LARP4B: variants seen among roughly 807,000 people sequenced by gnomAD.
LARP4B encodes the protein La ribonucleoprotein 4B.
LARP4B carries 12 observed loss-of-function variants against 89.8 expected under a neutral mutation model. That is an observed-to-expected ratio of 0.13 (90% CI 0.09 to 0.22). LARP4B has a LOEUF of 0.22. LARP4B is among the 10% of genes least tolerant of loss of function. LARP4B has a pLI of 1.00. For synonymous variants in LARP4B, 367 were observed against 363.3 expected (o/e 1.01, Z -0.12); for missense variants, 757 against 947.7 (o/e 0.80, Z 2.64).
the LARP4B span, among the ~76,000 whole-genome samples, chr10:953,647 A>G: frequency 4.5e-4 from 69 of 152,170 alleles, no homozygotes; most frequent in Non-Finnish European, 7.5e-4. Context: ...CAACTGCATA[A>G]CAGACAACCT....
intron 3 of LARP4B, among the ~76,000 whole-genome samples, chr10:883,825 C>A (rs1835765316): frequency 6.6e-6 from 1 of 150,848 alleles, no homozygotes; most frequent in African/African-American, 2.4e-5. Flanking sequence ...CCTACGTGAA[C>A]TGCTTATAAT....
At position 822,307 on chromosome 10, in the gene LARP4B, C is replaced by T. The variant is rs948240309; in HGVS notation, c.1485-1462G>A. 6.6e-6 allele frequency among the ~76,000 whole-genome samples: 1 copy of T among 152,208 alleles called. No individual in the cohort carries two copies. Among genetic ancestry groups the T allele is most frequent in the African/African-American group, 2.4e-5 (1 of 41,446 alleles). On this transcript the variant is annotated intron_variant, in intron 13 of 17. Transcript: ENST00000316157. The surrounding 1 kb of genome is among the most constrained non-coding windows in gnomAD (Gnocchi z 4.6). ...CAGAGGCATTGCCCTGAGCGCTGGA[C>T]AGAGGGACAGCAGCCACATGGGCAG... is the stretch of plus-strand genomic sequence containing the variant.
At chr10:984,538 A>T in the LARP4B span, among the ~76,000 whole-genome samples, 2 of 152,232 alleles carry the variant, frequency 1.3e-5, no homozygotes, top group African/African-American at 4.8e-5. Flanking sequence ...GCAAGGGCAG[A>T]AGTTCATTAG....
At chr10:913,261 G>GA (rs1179557701) in intron 1 of LARP4B, among the ~76,000 whole-genome samples, 7 of 152,104 alleles carry the variant, frequency 4.6e-5, no homozygotes, top group Non-Finnish European at 7.4e-5. Context: ...ACTAGCAAAT[G>GA]AAAAATCTTA....
the LARP4B span, among the ~76,000 whole-genome samples, chr10:954,117 G>A: frequency 1.3e-5 from 2 of 152,208 alleles, no homozygotes; most frequent in Non-Finnish European, 1.5e-5. This position sits in a 1 kb window ranked among gnomAD's most constrained non-coding sequence, Gnocchi z 5.0. Flanking sequence ...TCCGAGGCAC[G>A]CAGGCTGGAT....
chr10:826,349 G>A (rs573972596), intron 11 of LARP4B, among the ~76,000 whole-genome samples: 6 of 152,202 alleles, frequency 3.9e-5, no homozygotes, highest in East Asian at 3.9e-4. Context: ...CCTTTACCCC[G>A]ACACAAGTCC....
chr10:808,347 C>T (rs189685794), downstream of LARP4B: 885 of 152,352 alleles, frequency 5.8e-3, 6 homozygotes, highest in Non-Finnish European at 9.2e-3. Flanking sequence ...TTGCAGATGG[C>T]GTGCTAAGGA....
chr10:895,426 AG>A (rs1378686923), intron 1 of LARP4B, among the ~76,000 whole-genome samples: 2 of 151,952 alleles, frequency 1.3e-5, no homozygotes, highest in Admixed American at 6.6e-5. Context: ...AAACGCAGAA[AG>A]TAGGCTCATG....
chr10:811,911 G>A lies in LARP4B; in HGVS notation c.*1015C>T, dbSNP rs1831752759. ...AATCAATGAGGCCCTCGTCTTGGAG[G>A]TAAAAGAGCAGGAACTTTATCCTCC... is the stretch of plus-strand genomic sequence containing the variant. On this transcript the variant is annotated 3_prime_UTR_variant, in exon 18 of 18. Transcript: ENST00000316157. 6.6e-6 allele frequency: 1 copy of A among 152,278 alleles called. No homozygotes were observed. Among genetic ancestry groups the A allele is most frequent in the Non-Finnish European group, 1.5e-5 (1 of 68,028 alleles). 9.4% of individuals were successfully genotyped at this position (152,278 alleles called of 1,614,324 possible).
intron 1 of LARP4B, among the ~76,000 whole-genome samples, chr10:914,027 T>C (rs1215963563): frequency 6.6e-6 from 1 of 152,234 alleles, no homozygotes; most frequent in Non-Finnish European, 1.5e-5. Context: ...CCATGTTATG[T>C]TAATTAACAG....
At chr10:856,583 G>T (rs563507095) in intron 5 of LARP4B, among the ~76,000 whole-genome samples, 40 of 152,194 alleles carry the variant, frequency 2.6e-4, no homozygotes, top group Non-Finnish European at 1.3e-4. Flanking sequence ...TCCTGGAACT[G>T]ATTAACTGCT....
At position 814,846 on chromosome 10, in the gene LARP4B, G is replaced by C. The variant is rs759233878; in HGVS notation, c.1825C>G (p.Pro609Ala). ...SPSPAHLPDD[P>A]KVAEKQRETH... Reference sequence around the variant, plus strand: ...TCCCTCTGTTTCTCCGCCACCTTGGGATCACTGTAAAAATGCCACCCGATA... The same window carrying C: ...TCCCTCTGTTTCTCCGCCACCTTGGCATCACTGTAAAAATGCCACCCGATA... The change falls in exon 17 of 18, where the codon CCC (proline) becomes GCC (alanine). Residue 609 changes from proline to alanine, a missense_variant. By Grantham distance (27) the Pro-to-Ala change is conservative. Transcript: ENST00000316157. The surrounding 1 kb of genome is among the most constrained non-coding windows in gnomAD (Gnocchi z 4.4). 1 of 1,591,812 alleles carries C rather than the reference G, an allele frequency of 6.3e-7. No homozygotes were observed. Among genetic ancestry groups the C allele is most frequent in the Non-Finnish European group, 8.6e-7 (1 of 1,163,744 alleles).
At chr10:809,247 C>T (rs945107794), downstream of LARP4B, 6 of 152,220 alleles carry the variant, frequency 3.9e-5, no homozygotes, top group Non-Finnish European at 1.5e-5. Context: ...GCCATTTTAA[C>T]AAAATCAAAG....
At chr10:912,135 G>C (rs561957003) in intron 1 of LARP4B, among the ~76,000 whole-genome samples, 3 of 152,252 alleles carry the variant, frequency 2.0e-5, no homozygotes, top group African/African-American at 7.2e-5. Context: ...TCCTTTGGGG[G>C]ACCCAAGATT....
At chr10:889,796 G>T (rs1835963579) in intron 1 of LARP4B, among the ~76,000 whole-genome samples, 1 of 152,134 alleles carries the variant, frequency 6.6e-6, no homozygotes, top group South Asian at 2.1e-4. Flanking sequence ...CTAAAAATTA[G>T]CCAGGTGTGG....
At chr10:873,843 T>C (rs568925937) in intron 3 of LARP4B, among the ~76,000 whole-genome samples, 1 of 152,326 alleles carries the variant, frequency 6.6e-6, no homozygotes, top group Admixed American at 6.5e-5. Flanking sequence ...TTATCTACAA[T>C]TTGCTTTAAA....
chr10:866,659 A>G (rs1834910539), intron 3 of LARP4B, among the ~76,000 whole-genome samples: 1 of 152,114 alleles, frequency 6.6e-6, no homozygotes, highest in African/African-American at 2.4e-5. Flanking sequence ...CCACCACACA[A>G]TCCAGTTTTC....
chr10:944,696 C>T, the LARP4B span, among the ~76,000 whole-genome samples: 1 of 152,370 alleles, frequency 6.6e-6, no homozygotes, highest in Middle Eastern at 3.4e-3. Flanking sequence ...GGTGTCTGCC[C>T]GTGACTCACT....
At chr10:830,745 G>A in intron 9 of LARP4B, 122 bp downstream of exon 9, 1 of 583,404 alleles carries the variant, frequency 1.7e-6, no homozygotes. Context: ...GATTTCCTCT[G>A]CAGATTATAT....
Sources: gnomAD v4.1 joint callset for allele counts (sites outside exome capture counted in the v4.1 genomes callset) on GRCh38, gnomAD v4.1.1 for gene constraint, Gnocchi (gnomAD v3.1) non-coding constraint, MANE v1.5 for transcripts, NCBI Gene and HGNC (gene_info 2026-07-23, HGNC 2026-07-21) for gene names.